The following SCMH1 variants were observed in gnomAD, a reference collection of about 807,000 sequenced individuals.
SCMH1 encodes polycomb protein SCMH1.
In SCMH1, 37 loss-of-function variants were observed where a neutral mutation model predicts 70.8. The ratio of observed to expected loss-of-function variants is 0.52; its 90% CI spans 0.40 to 0.69. The LOEUF is 0.69. SCMH1 is among the 30% of genes least tolerant of loss of function. The pLI, the probability that SCMH1 is intolerant of heterozygous loss-of-function variation, is 0.00. For missense variants in SCMH1, 607 were observed against 827.3 expected (o/e 0.73, Z 3.27); for synonymous variants, 292 against 307.4 (o/e 0.95, Z 0.52).
intron 2 of SCMH1, among the ~76,000 whole-genome samples, chr1:41,174,619 A>T (rs1646994058): frequency 6.6e-6 from 1 of 152,220 alleles, no homozygotes; most frequent in Admixed American, 6.5e-5. Context: ...TGAATAGATA[A>T]GTTATAAATA....
intron 6 of SCMH1, among the ~76,000 whole-genome samples, chr1:41,120,097 C>T (rs1405760908): frequency 1.3e-5 from 2 of 152,058 alleles, no homozygotes; most frequent in Non-Finnish European, 2.9e-5. Flanking sequence ...GGTCTATACA[C>T]CTTGGTATAG....
At chr1:41,070,300 G>A (rs962039520) in intron 10 of SCMH1, among the ~76,000 whole-genome samples, 4 of 152,102 alleles carry the variant, frequency 2.6e-5, no homozygotes, top group Non-Finnish European at 5.9e-5. Context: ...ATTCTGGAAG[G>A]TGGAAGGGAT....
At chr1:41,083,999 G>A (rs1427839634) in intron 8 of SCMH1, among the ~76,000 whole-genome samples, 3 of 152,114 alleles carry the variant, frequency 2.0e-5, no homozygotes, top group Admixed American at 6.5e-5. Context: ...AGACTTAAAC[G>A]TTAGACCTAA....
intron 1 of SCMH1, among the ~76,000 whole-genome samples, chr1:41,190,249 A>G (rs1651360434): frequency 6.6e-6 from 1 of 152,230 alleles, no homozygotes; most frequent in South Asian, 2.1e-4. Flanking sequence ...AACTAGAAGG[A>G]AAGACTCAGG....
chr1:41,132,615 T>C (rs1268947676), intron 6 of SCMH1, among the ~76,000 whole-genome samples: 1 of 152,252 alleles, frequency 6.6e-6, no homozygotes, highest in African/African-American at 2.4e-5. Flanking sequence ...CATGAAGTCT[T>C]TGCCCATGCC....
At chr1:41,203,008 T>A (rs2148735379) in intron 1 of SCMH1, among the ~76,000 whole-genome samples, 1 of 146,480 alleles carries the variant, frequency 6.8e-6, no homozygotes, top group African/African-American at 2.5e-5. Context: ...TTTCTAGTAG[T>A]CATATTTTTA....
chr1:41,091,153 C>T (rs545381518), intron 8 of SCMH1, among the ~76,000 whole-genome samples: 21 of 152,058 alleles, frequency 1.4e-4, no homozygotes, highest in South Asian at 2.1e-4. Flanking sequence ...ACTGGCAAAC[C>T]GAATCCAGCA....
At chr1:41,186,655 T>C (rs1459724900) in intron 1 of SCMH1, among the ~76,000 whole-genome samples, 1 of 152,084 alleles carries the variant, frequency 6.6e-6, no homozygotes, top group East Asian at 1.9e-4. Flanking sequence ...ACAGGGCATT[T>C]AAGGAGGTAA....
intron 12 of SCMH1, among the ~76,000 whole-genome samples, chr1:41,039,390 C>G (rs560504186): frequency 2.6e-5 from 4 of 152,146 alleles, no homozygotes; most frequent in Non-Finnish European, 5.9e-5. Flanking sequence ...GCATCATGCT[C>G]CAAAGCTCTG....
chr1:41,089,617 A>T (rs536297446), intron 8 of SCMH1, among the ~76,000 whole-genome samples: 2 of 152,088 alleles, frequency 1.3e-5, no homozygotes, highest in South Asian at 2.1e-4. Flanking sequence ...CATGCTTCAG[A>T]TCTCACCATT....
intron 5 of SCMH1, among the ~76,000 whole-genome samples, chr1:41,148,780 TTTTA>T (rs969327704): frequency 1.2e-4 from 18 of 151,978 alleles, no homozygotes; most frequent in Non-Finnish European, 1.0e-4. Flanking sequence ...GGACCTATAG[TTTTA>T]TTTATTTATT....
chr1:41,172,600 G>T (rs1466956224), intron 2 of SCMH1, among the ~76,000 whole-genome samples: 3 of 151,884 alleles, frequency 2.0e-5, no homozygotes, highest in African/African-American at 7.3e-5. Flanking sequence ...AATTTGTACG[G>T]AACCATTAAA....
At chr1:41,235,678 T>G (rs1267089601) in intron 1 of SCMH1, among the ~76,000 whole-genome samples, 25 of 152,026 alleles carry the variant, frequency 1.6e-4, no homozygotes, top group Non-Finnish European at 1.5e-5. Context: ...AATATTTACT[T>G]ATTCAATTTA....
chr1:41,103,226 G>A (rs1321690083), intron 8 of SCMH1, among the ~76,000 whole-genome samples: 1 of 151,824 alleles, frequency 6.6e-6, no homozygotes, highest in East Asian at 1.9e-4. Flanking sequence ...CCACCTCCCA[G>A]GTTCAAGCGA....
At chr1:41,231,948 G>C (rs1446399885) in intron 1 of SCMH1, among the ~76,000 whole-genome samples, 3 of 151,636 alleles carry the variant, frequency 2.0e-5, no homozygotes, top group Non-Finnish European at 4.4e-5. Flanking sequence ...CTTGAACCCA[G>C]GGAGGTGGAG....
chr1:41,136,363 TTTC>T (rs1293043929), intron 6 of SCMH1, among the ~76,000 whole-genome samples: 1 of 151,568 alleles, frequency 6.6e-6, no homozygotes, highest in African/African-American at 2.4e-5. Context: ...CCCTTTGTCA[TTTC>T]TTCTTTTCTT....
chr1:41,122,463 T>C (rs550066094), intron 6 of SCMH1, among the ~76,000 whole-genome samples: 7 of 152,364 alleles, frequency 4.6e-5, no homozygotes, highest in Admixed American at 4.6e-4. Context: ...TGAATTTTCT[T>C]TTTAAAAAGT....
intron 9 of SCMH1, among the ~76,000 whole-genome samples, chr1:41,071,320 T>G (rs1432506681): frequency 6.6e-6 from 1 of 152,156 alleles, no homozygotes; most frequent in Non-Finnish European, 1.5e-5. Flanking sequence ...TTTTACAAAT[T>G]TGTTTATCTA....
intron 1 of SCMH1, among the ~76,000 whole-genome samples, chr1:41,196,308 C>T (rs148028093): frequency 6.6e-6 from 1 of 151,850 alleles, no homozygotes; most frequent in Admixed American, 6.6e-5. Context: ...CTTTCTAATT[C>T]CAGAATGTAC....
Sources: gnomAD v4.1 joint callset for allele counts (sites outside exome capture counted in the v4.1 genomes callset) on GRCh38, gnomAD v4.1.1 for gene constraint, MANE v1.5 for transcripts, NCBI Gene and HGNC (gene_info 2026-07-23, HGNC 2026-07-21) for gene names.